The following FDX1 variants were observed in gnomAD, a reference collection of about 807,000 sequenced individuals.
FDX1 encodes adrenodoxin, mitochondrial.
A neutral mutation model predicts 14.9 loss-of-function variants in FDX1; 9 were observed. That is an observed-to-expected ratio of 0.60 (90% CI 0.36 to 1.05). The LOEUF (loss-of-function observed/expected upper bound fraction) is 1.05. Among genes scored for constraint, FDX1 ranks in the 50% least tolerant of loss-of-function variants. FDX1 has a pLI of 0.01. For synonymous variants in FDX1, 92 were observed against 99.4 expected, an observed-to-expected ratio of 0.93 and a Z score of 0.44; for missense variants, 204 against 237.2, an observed-to-expected ratio of 0.86 and a Z score of 0.92.
chr11:110,461,372 TG>T (rs759414981), intron 3 of FDX1, among the ~76,000 whole-genome samples: 28 of 151,926 alleles, frequency 1.8e-4, no homozygotes, highest in Non-Finnish European at 2.8e-4. Context: ...GGTGCATGCC[TG>T]TAGTCCCCGC....
chr11:110,435,612 C>G (rs1278916263), intron 1 of FDX1, among the ~76,000 whole-genome samples: 1 of 152,080 alleles, frequency 6.6e-6, no homozygotes, highest in East Asian at 1.9e-4. Flanking sequence ...TTTTAGGAGG[C>G]CAAGTTGAGA....
At chr11:110,451,980 G>T (rs1946489403) in intron 2 of FDX1, among the ~76,000 whole-genome samples, 1 of 152,162 alleles carries the variant, frequency 6.6e-6, no homozygotes, top group East Asian at 1.9e-4. Flanking sequence ...TGAAGAAAGG[G>T]TATTCTTTTC....
At chr11:110,444,731 T>TATAC (rs1946436843) in intron 2 of FDX1, among the ~76,000 whole-genome samples, 1 of 67,404 alleles carries the variant, frequency 1.5e-5, no homozygotes, top group African/African-American at 7.2e-5. Flanking sequence ...TACGTATATA[T>TATAC]ATATATATAT....
chr11:110,456,953 C>T lies in FDX1; in HGVS notation c.346C>T (p.His116Tyr). The T allele has an allele frequency of 6.2e-7, 1 of 1,613,084 alleles. No individual in the cohort carries two copies. ...CEGTLACSTC[H>Y]LIFEDHIYEK... ...GGGAACCCTGGCTTGTTCAACCTGT[C>T]ACCTCATCTTTGAAGATCACATATA... The change falls in exon 3 of 4, where the codon CAC becomes TAC. Residue 116 changes from histidine to tyrosine, a missense_variant. Transcript: ENST00000260270.
intron 2 of FDX1, among the ~76,000 whole-genome samples, chr11:110,452,881 A>C (rs1417814968): frequency 2.0e-5 from 3 of 152,230 alleles, no homozygotes; most frequent in African/African-American, 7.2e-5. Context: ...GAAAAGACTA[A>C]ACCACAGTGA....
rs71476086 is a variant in FDX1 at position 110,434,334 on chromosome 11, A to ATTTGCTTTTTTTTTTTTTTTT, written c.186-1497_186-1496insGCTTTTTTTTTTTTTTTTTTT. On this transcript the variant is annotated intron_variant, in intron 1 of 3. Coordinates refer to ENST00000260270, the MANE Select transcript of FDX1 (RefSeq NM_004109.5). ...CACTGGAAAAGCAATCGCCCTATTG[A>ATTTGCTTTTTTTTTTTTTTTT]TTTTTTTTTTTTTTTTTTTGGAGAC... 2.4e-5 allele frequency among the ~76,000 whole-genome samples: 3 copies of ATTTGCTTTTTTTTTTTTTTTT among 126,408 alleles called. 1 individual carries two copies. Among genetic ancestry groups the ATTTGCTTTTTTTTTTTTTTTT allele is most frequent in the East Asian group, 2.4e-4 (1 of 4,118 alleles). The allele number at this position is 126,408 out of a possible 152,430, so 82.9% of individuals were successfully genotyped here. A position where few individuals can be genotyped will look rare whatever the true frequency, so the allele number is the denominator to read the frequency against.
intron 2 of FDX1, among the ~76,000 whole-genome samples, chr11:110,437,845 A>G (rs1015817694): frequency 1.3e-5 from 2 of 152,044 alleles, no homozygotes; most frequent in Non-Finnish European, 2.9e-5. Context: ...CTTTATGTCC[A>G]TGGGACCCAG....
chr11:110,455,256 T>C (rs866324052), intron 2 of FDX1, among the ~76,000 whole-genome samples: 4 of 152,004 alleles, frequency 2.6e-5, no homozygotes, highest in African/African-American at 9.7e-5. Context: ...TGCCTCGGCC[T>C]CCCGAAGTGC....
At chr11:110,435,221 T>C (rs1209173573) in intron 1 of FDX1, among the ~76,000 whole-genome samples, 1 of 152,016 alleles carries the variant, frequency 6.6e-6, no homozygotes, top group African/African-American at 2.4e-5. Flanking sequence ...TGGCTAATTA[T>C]TTTATTTTTT....
At chr11:110,436,911 A>G (rs1480274075) in intron 2 of FDX1, among the ~76,000 whole-genome samples, 2 of 151,970 alleles carry the variant, frequency 1.3e-5, no homozygotes, top group South Asian at 2.1e-4. Context: ...TTAGTTTTTG[A>G]AAGACTGTAC....
chr11:110,448,476 A>C (rs1346251176), intron 2 of FDX1, among the ~76,000 whole-genome samples: 2 of 152,224 alleles, frequency 1.3e-5, no homozygotes, highest in African/African-American at 2.4e-5. Flanking sequence ...TAGATAATAC[A>C]AAATGATCTT....
rs376297275 is a variant in FDX1, at chr11:110,441,736, C to T, written c.310+5778C>T. Among the ~76,000 whole-genome samples the T allele has an allele frequency of 2.6e-3, 391 of 152,272 alleles. 3 individuals are homozygous for T. Among genetic ancestry groups the T allele is most frequent in the African/African-American group, 8.1e-3 (338 of 41,546 alleles). On this transcript the variant is annotated intron_variant, in intron 2 of 3. Coordinates refer to ENST00000260270, the MANE Select transcript of FDX1 (RefSeq NM_004109.5). ...TGACAATGTGATAGAAAAGAAAACC[C>T]CATTTTCTGGGGAAAAATTCAAGCT...
At chr11:110,436,009 A>G (rs773023611) in intron 2 of FDX1, 51 bp downstream of exon 2, 19 of 1,531,618 alleles carry the variant, frequency 1.2e-5, no homozygotes, top group Middle Eastern at 1.7e-4. Context: ...TTAGGTTTCA[A>G]ATTTTTATTT....
intron 2 of FDX1, among the ~76,000 whole-genome samples, chr11:110,436,630 G>A (rs1946371975): frequency 6.9e-6 from 1 of 145,166 alleles, no homozygotes. Flanking sequence ...GTCTGGGGTA[G>A]GTCCAGCATT....
At chr11:110,457,092 A>G (rs752102743) in intron 3 of FDX1, 45 bp downstream of exon 3, 99 of 1,570,450 alleles carry the variant, frequency 6.3e-5, no homozygotes, top group Non-Finnish European at 7.9e-5. Context: ...ATCTGGGAAC[A>G]TAGATGTTGT....
chr11:110,429,479 G>A (rs1234213310), upstream of FDX1, among the ~76,000 whole-genome samples: 2 of 152,106 alleles, frequency 1.3e-5, no homozygotes, highest in Non-Finnish European at 1.5e-5. Context: ...TGCCAGTCAA[G>A]GTCTAGGATG....
chr11:110,446,253 A>AT (rs1347895804), intron 2 of FDX1, among the ~76,000 whole-genome samples: 1 of 152,190 alleles, frequency 6.6e-6, no homozygotes, highest in Non-Finnish European at 1.5e-5. Context: ...CCACAACATT[A>AT]TGGGGGCAGC....
intron 2 of FDX1, among the ~76,000 whole-genome samples, chr11:110,455,617 T>G (rs1402988157): frequency 6.6e-6 from 1 of 152,158 alleles, no homozygotes; most frequent in African/African-American, 2.4e-5. Context: ...GGTCCTCCCC[T>G]GGGATACTAA....
chr11:110,455,301 G>A (rs1285789542), intron 2 of FDX1, among the ~76,000 whole-genome samples: 3 of 148,534 alleles, frequency 2.0e-5, no homozygotes, highest in Non-Finnish European at 1.5e-5. Flanking sequence ...TGCCCGGCCT[G>A]TTTTTTTTTT....
Sources: allele counts gnomAD v4.1 joint callset (sites outside exome capture counted in the v4.1 genomes callset), GRCh38; gene constraint gnomAD v4.1.1; transcripts MANE v1.5; gene names NCBI Gene and HGNC (gene_info 2026-07-23, HGNC 2026-07-21).